The following EHBP1L1 variants were observed in gnomAD, a reference collection of about 807,000 sequenced individuals.
The protein encoded by EHBP1L1 is EH domain-binding protein 1-like protein 1.
Under a neutral mutation model 151.1 loss-of-function variants are expected in EHBP1L1, and 122 were observed. The ratio of observed to expected loss-of-function variants is 0.81; its 90% confidence interval spans 0.70 to 0.94. The LOEUF (loss-of-function observed/expected upper bound fraction) is 0.94. EHBP1L1 is among the 40% of genes least tolerant of loss of function. The pLI, the probability that EHBP1L1 is intolerant of heterozygous loss-of-function variation, is 0.00. For synonymous variants in EHBP1L1, 878 were observed against 810.1 expected (o/e 1.08, Z -1.42); for missense variants, 1,941 against 1,959.8 (o/e 0.99, Z 0.18).
rs939715917 is a variant in EHBP1L1 at position 65,576,265 on chromosome 11, C to T, written c.-38C>T. 39 of 1,536,866 alleles carry T rather than the reference C, an allele frequency of 2.5e-5. No homozygotes were observed. In the Middle Eastern group the frequency reaches 5.7e-4, roughly 23 times the overall value. ...CCAGCGGTGGCGGGCCAGCGGGAGC[C>T]CCGGGCCTGAGAAGTGGGCGGCGGG... On this transcript the variant is annotated 5_prime_UTR_variant, in exon 1 of 19. Transcript: ENST00000309295.
chr11:65,591,238 G>GC (rs1858268079), intron 16 of EHBP1L1: 1 of 168,714 alleles, frequency 5.9e-6, no homozygotes, highest in Non-Finnish European at 1.3e-5. Context: ...CAAAACATTA[G>GC]CCAGGCCTGG....
At chr11:65,576,429 G>T (rs1332885828) in intron 1 of EHBP1L1, 23 bp downstream of exon 1, 4 of 1,553,634 alleles carry the variant, frequency 2.6e-6, no homozygotes, top group South Asian at 1.2e-5. Context: ...GAGGCGGGGG[G>T]GCTCCCCCGA....
chr11:65,592,068 G>A lies in EHBP1L1; in HGVS notation c.4450G>A (p.Asp1484Asn). The A allele has an allele frequency of 2.8e-5, 45 of 1,613,406 alleles. No homozygotes were observed. Among genetic ancestry groups the A allele is most frequent in the Non-Finnish European group, 3.8e-5 (45 of 1,179,668 alleles). Residue 1484 changes from aspartate (D) to asparagine (N), a missense_variant, in exon 18 of 19, where the codon GAC (aspartate) becomes AAC (asparagine). Physicochemically the swap from Asp to Asn is conservative, Grantham distance 23. Transcript: ENST00000309295. ...LVNQRDELVR[D>N]LDHKERIALE... ...GAACCAGCGCGATGAGCTAGTCCGG[G>A]ACCTGGACCACAAGGAGCGGATGTG...
In EHBP1L1 at chr11:65,576,162, G is replaced by A; in HGVS notation, c.-141G>A. Reference sequence around the variant, plus strand: ...CCCCAGCGGCGGCAGCGGAGAGCGCGGTCCCGGGTCGGAGCCTGGGACACC... The same window carrying A: ...CCCCAGCGGCGGCAGCGGAGAGCGCAGTCCCGGGTCGGAGCCTGGGACACC... On this transcript the variant is annotated 5_prime_UTR_variant, in exon 1 of 19. Transcript: ENST00000309295. 1 of 569,176 alleles carries A rather than the reference G, an allele frequency of 1.8e-6. No individual in the cohort carries two copies. The highest frequency in any genetic ancestry group is 2.6e-6 in the Non-Finnish European group (1 of 382,334). The allele number at this position is 569,176 out of a possible 1,614,324, so 35.3% of individuals were successfully genotyped here.
chr11:65,589,668 C>T, intron 12 of EHBP1L1, 83 bp from the exon 13 acceptor site: 2 of 1,449,344 alleles, frequency 1.4e-6, no homozygotes, highest in Non-Finnish European at 1.8e-6. Flanking sequence ...CCCTCCTCCC[C>T]TCTGTATGAG....
At chr11:65,591,709 CAG>C (rs1307800248) in intron 16 of EHBP1L1, 89 bp from the exon 17 acceptor site, 5 of 1,046,058 alleles carry the variant, frequency 4.8e-6, no homozygotes, top group African/African-American at 3.2e-5. Flanking sequence ...GGGATGGGGT[CAG>C]GGAGTGGCCA....
intron 16 of EHBP1L1, chr11:65,591,402 G>C (rs1031625671): frequency 4.8e-5 from 16 of 329,954 alleles, no homozygotes; most frequent in Admixed American, 9.5e-5. Flanking sequence ...GATCTGATCT[G>C]GTTCCCATGT....
intron 6 of EHBP1L1, 27 bp from the exon 7 acceptor site, chr11:65,581,031 C>A: frequency 6.3e-7 from 1 of 1,579,648 alleles, no homozygotes; most frequent in South Asian, 1.2e-5. Flanking sequence ...CTGACTCTGC[C>A]CTTCTCCCCT....
chr11:65,592,266 G>T lies in EHBP1L1; in HGVS notation c.4536G>T (p.Arg1512=), dbSNP rs1369321438. ...GLEQRRRKLS[R]QLSRRERCVL... is the part of the protein sequence containing the mutation. ...AACAGCGGCGCCGCAAGCTGAGCCG[G>T]CAGTTGAGCCGGCGGGAGCGCTGCG... The change falls in exon 19 of 19, where the codon CGG becomes CGT. Residue 1512 remains arginine, a synonymous_variant. Coordinates refer to ENST00000309295, the MANE Select transcript of EHBP1L1 (RefSeq NM_001099409.3). 7.8e-6 allele frequency: 12 copies of T among 1,531,940 alleles called. No individual in the cohort carries two copies. The highest frequency in any genetic ancestry group is 9.6e-6 in the Non-Finnish European group (11 of 1,145,512). The allele number at this position is 1,531,940 out of a possible 1,614,324, so 94.9% of individuals were successfully genotyped here. A position where few individuals can be genotyped will look rare whatever the true frequency, so the allele number is the denominator to read the frequency against.
rs750104246 is a variant in EHBP1L1, at chr11:65,584,515, T to C, written c.3281T>C (p.Ile1094Thr). The C allele has an allele frequency of 6.2e-7, 1 of 1,612,258 alleles. No homozygotes were observed. Among genetic ancestry groups the C allele is most frequent in the South Asian group, 1.1e-5 (1 of 90,956 alleles). ...TATGCCTCGCTAGACCCACTCAACA[T>C]CAAGCAGAACAACAAGCAGGTGAGA... ...IDYASLDPLNIKQNNKQAFDG... is the reference protein window; with the variant it reads ...IDYASLDPLNTKQNNKQAFDG... Residue 1094 changes from isoleucine to threonine, a missense_variant, in exon 11 of 19, where the codon ATC becomes ACC. By Grantham distance (89) the Ile-to-Thr change is moderately conservative. Transcript: ENST00000309295.
chr11:65,581,623 C>A lies in EHBP1L1; in HGVS notation c.951C>A (p.Val317=). 1 of 1,544,936 alleles carries A rather than the reference C, an allele frequency of 6.5e-7. No homozygotes were observed. The highest frequency in any genetic ancestry group is 8.7e-7 in the Non-Finnish European group (1 of 1,144,288). Residue 317 remains valine, a synonymous_variant, in exon 9 of 19, where the codon GTC becomes GTA. Coordinates refer to ENST00000309295, the MANE Select transcript of EHBP1L1 (RefSeq NM_001099409.3). ...RKGSDALRPP[V]PQGEDEVPKA... is the part of the protein sequence containing the mutation. ...GCTCTGATGCCCTCCGGCCCCCAGT[C>A]CCCCAGGGGGAAGATGAGGTCCCCA...
intron 1 of EHBP1L1, among the ~76,000 whole-genome samples, chr11:65,577,330 GGGGT>G (rs1437779253): frequency 2.0e-5 from 3 of 152,346 alleles, no homozygotes; most frequent in African/African-American, 7.2e-5. Flanking sequence ...GCAGGAGGCT[GGGGT>G]CCCTTGGGCA....
intron 9 of EHBP1L1, 120 bp from the exon 10 acceptor site, chr11:65,584,121 C>G: frequency 6.7e-7 from 1 of 1,498,088 alleles, no homozygotes; most frequent in Non-Finnish European, 8.8e-7. Flanking sequence ...AGCCAGTGGT[C>G]TCTGGTGACC....
intron 11 of EHBP1L1, 181 bp downstream of exon 11, chr11:65,584,715 C>G: frequency 9.5e-7 from 1 of 1,048,188 alleles, no homozygotes; most frequent in Non-Finnish European, 1.4e-6. Context: ...TGTTTTAAAG[C>G]GTTTTTCCTC....
chr11:65,582,998 A>C lies in EHBP1L1; in HGVS notation c.2326A>C (p.Thr776Pro), dbSNP rs779331181. The change falls in exon 9 of 19, where the codon ACC becomes CCC. Residue 776 changes from threonine to proline, a missense_variant. Coordinates refer to ENST00000309295, the MANE Select transcript of EHBP1L1 (RefSeq NM_001099409.3). ...GGCAGCAGAAGGTGCGATATTGGGG[A>C]CCCAAGAGATAGCATCTAGGGATTC... ...TGAAEGAILG[T>P]QEIASRDSGV... is the part of the protein sequence containing the mutation. 3 of 1,612,934 alleles carry C rather than the reference A, an allele frequency of 1.9e-6. No individual in the cohort carries two copies. The African/African-American group carries it at 4.0e-5, about 22-fold the overall frequency.
chr11:65,590,549 A>C lies in EHBP1L1; in HGVS notation c.4240A>C (p.Lys1414Gln). The C allele has an allele frequency of 6.2e-7, 1 of 1,613,708 alleles. No individual in the cohort carries two copies. The highest frequency in any genetic ancestry group is 8.5e-7 in the Non-Finnish European group (1 of 1,179,848). The part of the protein sequence containing the change: ...LIQEWFTLVN[K>Q]KNALIRRQDQ... Reference sequence around the variant, plus strand: ...CCAGGAGTGGTTCACCCTGGTCAACAAGAAGAACGCTCTCATCCGGAGGCA... The same window carrying C: ...CCAGGAGTGGTTCACCCTGGTCAACCAGAAGAACGCTCTCATCCGGAGGCA... The change falls in exon 16 of 19, where the codon AAG (lysine) becomes CAG (glutamine). Residue 1414 changes from lysine (K) to glutamine (Q), a missense_variant. By Grantham distance (53) the Lys-to-Gln change is moderately conservative. Coordinates refer to ENST00000309295, the MANE Select transcript of EHBP1L1 (RefSeq NM_001099409.3).
chr11:65,577,477 A>T (rs1414524494), intron 1 of EHBP1L1, among the ~76,000 whole-genome samples: 2 of 152,152 alleles, frequency 1.3e-5, no homozygotes, highest in African/African-American at 4.8e-5. Context: ...ATCCTGCGGG[A>T]GGCCAGGGAA....
rs759410198 is a variant in EHBP1L1, at chr11:65,582,339, G to T, written c.1667G>T (p.Gly556Val). 9.6e-6 allele frequency: 15 copies of T among 1,569,458 alleles called. No individual in the cohort carries two copies. The South Asian group carries it at 1.8e-4, about 19-fold the overall frequency. The change falls in exon 9 of 19, where the codon GGT (glycine) becomes GTT (valine). Residue 556 changes from glycine (G) to valine (V), a missense_variant. Physicochemically the swap from Gly to Val is moderately radical, Grantham distance 109. Coordinates refer to ENST00000309295, the MANE Select transcript of EHBP1L1 (RefSeq NM_001099409.3). ...ACTGCCCAGGGGGCAATATCCAGGG[G>T]TCTGGGAGGCTGGGAGGCAGAAGCT... ...LSTAQGAISRGLGGWEAEAGG... is the reference protein window; with the variant it reads ...LSTAQGAISRVLGGWEAEAGG...
At chr11:65,590,055 T>G (rs573460951) in intron 14 of EHBP1L1, 32 bp from the exon 15 acceptor site, 1 of 1,613,244 alleles carries the variant, frequency 6.2e-7, no homozygotes, top group East Asian at 2.2e-5. Flanking sequence ...CTGGGCTGAG[T>G]CCACCCTGTT....
Sources: allele counts gnomAD v4.1 joint callset (sites outside exome capture counted in the v4.1 genomes callset), GRCh38; gene constraint gnomAD v4.1.1; transcripts MANE v1.5; gene names NCBI Gene and HGNC (gene_info 2026-07-23, HGNC 2026-07-21).